F13B: variants seen among roughly 807,000 people sequenced by gnomAD.
F13B encodes the protein coagulation factor XIII B chain.
In F13B, 58 loss-of-function variants were observed where a neutral mutation model predicts 79.8. That is an observed-to-expected ratio of 0.73 (90% CI 0.59 to 0.90). F13B has a LOEUF of 0.90. Ranked by LOEUF, F13B falls within the 40% of genes least tolerant of loss-of-function variation. The probability of loss-of-function intolerance (pLI) is 0.00; values close to 1 mark genes in which losing one functional copy is unlikely to be tolerated. For missense variants in F13B, 773 were observed against 777.0 expected (o/e 0.99, Z 0.06); for synonymous variants, 283 against 260.3 (o/e 1.09, Z -0.84).
In F13B at chr1:197,045,641, T is replaced by C. The variant is rs529616737; in HGVS notation, c.1739-4906A>G. 1.0e-3 allele frequency among the ~76,000 whole-genome samples: 159 copies of C among 152,230 alleles called. 1 individual carries two copies. Among genetic ancestry groups the C allele is most frequent in the African/African-American group, 3.7e-3 (155 of 41,540 alleles). On this transcript the variant is annotated intron_variant, in intron 10 of 11. Coordinates refer to ENST00000367412, the MANE Select transcript of F13B (RefSeq NM_001994.3). ...TTCCAATCAATAGAAAAAGAGGGAA[T>C]CCTCCCTAATTCATTTAATGAAGTC...
chr1:197,060,534 A>G lies in F13B; in HGVS notation c.637T>C (p.Cys213Arg), dbSNP rs759197220. Reference protein sequence around the residue: ...SLTPKCTKLKCSSLRLIENGY... With the variant: ...SLTPKCTKLKRSSLRLIENGY... ...TTTTCAATTAATCTTAAAGAAGAGC[A>G]CTTTAATTCTGCAAATAAAAGAATG... Residue 213 changes from cysteine to arginine, a missense_variant, in exon 5 of 12, where the codon TGC becomes CGC. Physicochemically the swap from Cys to Arg is radical, Grantham distance 180. Coordinates refer to ENST00000367412, the MANE Select transcript of F13B (RefSeq NM_001994.3). The G allele has an allele frequency of 1.3e-6, 2 of 1,577,806 alleles. No individual in the cohort carries two copies. Among genetic ancestry groups the G allele is most frequent in the Non-Finnish European group, 1.7e-6 (2 of 1,154,890 alleles).
chr1:197,060,570 C>A (rs1187726081), intron 4 of F13B, 28 bp from the exon 5 acceptor site: 3 of 1,457,212 alleles, frequency 2.1e-6, no homozygotes, highest in Non-Finnish European at 9.5e-7. Context: ...AATAAAATTA[C>A]AAACAAATGT....
Position 197,038,768 on chromosome 1 carries a change from T to C in F13B, c.*610A>G, listed in dbSNP as rs1046701681. On this transcript the variant is annotated 3_prime_UTR_variant, in exon 12 of 12. Transcript: ENST00000367412. ...CCAAGGGTCATTCTTTCTTTAATTG[T>C]GTCTCTTTAACAATATTTGAGCACA... is the stretch of plus-strand genomic sequence containing the variant. Among the ~76,000 whole-genome samples the C allele has an allele frequency of 6.6e-6, 1 of 151,888 alleles. No homozygotes were observed. The highest frequency in any genetic ancestry group is 1.5e-5 in the Non-Finnish European group (1 of 67,966).
intron 5 of F13B, among the ~76,000 whole-genome samples, chr1:197,057,891 A>G (rs1305058141): frequency 6.6e-6 from 1 of 152,204 alleles, no homozygotes; most frequent in East Asian, 1.9e-4. Context: ...TCAGTTCAGC[A>G]GTCTGCAAAG....
chr1:197,066,727 T>A (rs926212629), intron 1 of F13B, among the ~76,000 whole-genome samples: 1 of 152,196 alleles, frequency 6.6e-6, no homozygotes, highest in Non-Finnish European at 1.5e-5. Context: ...AAAAAATATT[T>A]ATGGCTATTT....
rs188925935 is a variant in F13B, at chr1:197,058,872, C to T, written c.806-1407G>A. Reference sequence around the variant, plus strand: ...CATTGTATGCCTAATGACTGTTTACCGGAAAAAACAGGCATGTTGTCATGC... The same window carrying T: ...CATTGTATGCCTAATGACTGTTTACTGGAAAAAACAGGCATGTTGTCATGC... On this transcript the variant is annotated intron_variant, in intron 5 of 11. Transcript: ENST00000367412. 1.5e-3 allele frequency among the ~76,000 whole-genome samples: 235 copies of T among 151,932 alleles called. 3 individuals carry two copies. The East Asian group carries it at 0.039, about 25-fold the overall frequency.
At position 197,040,670 on chromosome 1, in the gene F13B, TG is replaced by T. The variant is rs770951653; in HGVS notation, c.1803del (p.Asp601GlufsTer41). 3.7e-6 allele frequency: 6 copies of T among 1,613,038 alleles called. No individual in the cohort carries two copies. In the Admixed American group the frequency reaches 1.0e-4, roughly 27 times the overall value. ...TCACCATGCAAAATGTGTGGTCTAT[TG>T]TCAAAATCCCATTTCAGAAGTAAAT... ...KNNLLLKWDF[D>X]NRPHILHGEY... is the part of the protein sequence containing the mutation. On this transcript the variant is annotated frameshift_variant, in exon 11 of 12. Transcript: ENST00000367412. LOFTEE classifies it high-confidence loss of function.
At chr1:197,044,577 C>G (rs564510314) in intron 10 of F13B, among the ~76,000 whole-genome samples, 1 of 152,242 alleles carries the variant, frequency 6.6e-6, no homozygotes, top group South Asian at 2.1e-4. Flanking sequence ...TAACACCCCA[C>G]TGTCAATACT....
chr1:197,060,870 A>G, intron 4 of F13B, 29 bp downstream of exon 4: 1 of 1,599,434 alleles, frequency 6.3e-7, no homozygotes, highest in Non-Finnish European at 8.6e-7. Context: ...TCAGAGTGAG[A>G]GTAGATTTTA....
At chr1:197,052,476 C>T (rs796211114) in intron 9 of F13B, among the ~76,000 whole-genome samples, 158 bp downstream of exon 9, 22 of 151,856 alleles carry the variant, frequency 1.4e-4, no homozygotes, top group African/African-American at 4.8e-4. Context: ...GCACATTCTG[C>T]ACTTGTGTCT....
At chr1:197,053,023 A>T (rs1022264544) in intron 8 of F13B, among the ~76,000 whole-genome samples, 189 bp from the exon 9 acceptor site, 2 of 152,034 alleles carry the variant, frequency 1.3e-5, no homozygotes, top group Admixed American at 1.3e-4. Flanking sequence ...GAATCTATAC[A>T]TTATTGTCAT....
Position 197,052,552 on chromosome 1 carries a change from C to A in F13B, c.1555+82G>T, listed in dbSNP as rs899825631. 6 of 875,050 alleles carry A rather than the reference C, an allele frequency of 6.9e-6. No individual in the cohort carries two copies. The South Asian group carries it at 1.1e-4, about 15-fold the overall frequency. 54.2% of individuals were successfully genotyped at this position (875,050 alleles called of 1,614,324 possible). A position where few individuals can be genotyped will look rare whatever the true frequency, so the allele number is the denominator to read the frequency against. ...AAAAGAATAATAATAAGAAAAATAG[C>A]AACAAACTATAAATAAATTTTCAAC... On this transcript the variant is annotated intron_variant, in intron 9 of 11. Coordinates refer to ENST00000367412, the MANE Select transcript of F13B (RefSeq NM_001994.3).
At chr1:197,058,880 A>C (rs193233647) in intron 5 of F13B, among the ~76,000 whole-genome samples, 9 of 152,158 alleles carry the variant, frequency 5.9e-5, no homozygotes, top group African/African-American at 2.2e-4. Context: ...ACCGGAAAAA[A>C]CAGGCATGTT....
chr1:197,062,771 C>T (rs750724449), intron 2 of F13B, 86 bp downstream of exon 2: 49 of 1,328,844 alleles, frequency 3.7e-5, no homozygotes, highest in Admixed American at 5.1e-5. Context: ...AAGGTTTAAC[C>T]GCTTTCCATT....
chr1:197,060,821 C>T (rs1255622321), intron 4 of F13B, 78 bp downstream of exon 4: 7 of 1,312,360 alleles, frequency 5.3e-6, no homozygotes, highest in East Asian at 2.3e-5. Context: ...ACATAATGAG[C>T]ATGACAACTT....
intron 7 of F13B, among the ~76,000 whole-genome samples, chr1:197,056,119 C>A (rs545806882): frequency 9.9e-5 from 15 of 152,158 alleles, no homozygotes; most frequent in African/African-American, 3.6e-4. Context: ...GTATTTTTCT[C>A]TTTTCTCAAT....
At position 197,057,056 on chromosome 1, in the gene F13B, T is replaced by C. The variant is rs1655668376; in HGVS notation, c.1128A>G (p.Ile376Met). 4.3e-6 allele frequency: 7 copies of C among 1,613,824 alleles called. No homozygotes were observed. Among genetic ancestry groups the C allele is most frequent in the Non-Finnish European group, 5.1e-6 (6 of 1,179,900 alleles). The stretch of plus-strand genomic sequence containing the variant: ...GTGTCCATTTTCCACGATTACAAGT[T>C]ATCTCATTCGATCCATGGAGAAGGT... ...SGYLLHGSNE[I>M]TCNRGKWTLP... Residue 376 changes from isoleucine (I) to methionine (M), a missense_variant, in exon 7 of 12, where the codon ATA becomes ATG. Physicochemically the swap from Ile to Met is conservative, Grantham distance 10. Coordinates refer to ENST00000367412, the MANE Select transcript of F13B (RefSeq NM_001994.3).
chr1:197,060,673 T>G (rs1220468087), intron 4 of F13B, 131 bp from the exon 5 acceptor site: 2 of 751,292 alleles, frequency 2.7e-6, no homozygotes, highest in Non-Finnish European at 4.3e-6. Flanking sequence ...TCATTTTATA[T>G]ATTTGTTAAA....
intron 10 of F13B, among the ~76,000 whole-genome samples, chr1:197,042,280 C>T (rs756702741): frequency 2.6e-5 from 4 of 152,010 alleles, no homozygotes; most frequent in Admixed American, 6.6e-5. Flanking sequence ...AAAATGAAGT[C>T]GAATAGCACT....
Sources: allele counts gnomAD v4.1 joint callset (sites outside exome capture counted in the v4.1 genomes callset), GRCh38; gene constraint gnomAD v4.1.1; transcripts MANE v1.5; gene names NCBI Gene and HGNC (gene_info 2026-07-23, HGNC 2026-07-21).